CLNK: variants seen among roughly 807,000 people sequenced by gnomAD.
The protein encoded by CLNK is cytokine-dependent hematopoietic cell linker.
A neutral mutation model predicts 68.6 loss-of-function variants in CLNK; 74 were observed. The ratio of observed to expected loss-of-function variants is 1.08; its 90% CI spans 0.89 to 1.31. The LOEUF is 1.31. Among genes scored for constraint, CLNK ranks in the 50% most tolerant of loss-of-function variants. The probability of loss-of-function intolerance (pLI) is 0.00; values close to 1 mark genes in which losing one functional copy is unlikely to be tolerated. For missense variants in CLNK, 553 were observed against 515.3 expected (o/e 1.07, Z -0.71); for synonymous variants, 198 against 172.2 (o/e 1.15, Z -1.17).
At chr4:10,690,201 G>A in the CLNK span, among the ~76,000 whole-genome samples, 1 of 152,130 alleles carries the variant, frequency 6.6e-6, no homozygotes, top group Non-Finnish European at 1.5e-5. Flanking sequence ...TGGGGTGGGA[G>A]TGTTCCTACT....
chr4:10,618,799 A>AGTC (rs1452692324), intron 2 of CLNK, among the ~76,000 whole-genome samples: 1 of 152,294 alleles, frequency 6.6e-6, no homozygotes, highest in Middle Eastern at 3.4e-3. Context: ...TAACTCACTC[A>AGTC]GTCACGGTTA....
intron 15 of CLNK, among the ~76,000 whole-genome samples, chr4:10,516,784 C>G (rs2109042581): frequency 6.6e-6 from 1 of 152,324 alleles, no homozygotes; most frequent in African/African-American, 2.4e-5. Context: ...CTTCTGATCT[C>G]AGGCGATCCG....
chr4:10,651,242 T>C (rs1489112691), intron 2 of CLNK, among the ~76,000 whole-genome samples: 1 of 152,206 alleles, frequency 6.6e-6, no homozygotes, highest in Non-Finnish European at 1.5e-5. Context: ...TCAAGACACA[T>C]GCACACATAT....
chr4:10,537,505 A>T (rs1010259132), intron 11 of CLNK, among the ~76,000 whole-genome samples: 2 of 152,058 alleles, frequency 1.3e-5, no homozygotes, highest in Admixed American at 1.3e-4. Flanking sequence ...CTCTATTTCT[A>T]GAAAAATACA....
At chr4:10,679,045 C>A (rs1050541979) in intron 1 of CLNK, among the ~76,000 whole-genome samples, 1 of 152,108 alleles carries the variant, frequency 6.6e-6, no homozygotes, top group East Asian at 1.9e-4. Flanking sequence ...CAAACAAGAG[C>A]GTGCATTGCC....
At chr4:10,492,221 C>T (rs1329554618) in intron 18 of CLNK, among the ~76,000 whole-genome samples, 2 of 152,186 alleles carry the variant, frequency 1.3e-5, no homozygotes, top group Admixed American at 1.3e-4. Flanking sequence ...AATGAAGGCT[C>T]ACTTTTCTGG....
chr4:10,604,620 G>T (rs1264520385), intron 2 of CLNK, among the ~76,000 whole-genome samples: 8 of 151,438 alleles, frequency 5.3e-5, no homozygotes, highest in Admixed American at 5.3e-4. Flanking sequence ...GTGTGTATGG[G>T]GTCTACTCTT....
the CLNK span, chr4:10,692,157 C>G: frequency 1.3e-5 from 2 of 152,028 alleles, no homozygotes; most frequent in East Asian, 3.9e-4. Flanking sequence ...GACGCTTTTT[C>G]CAACATTTTC....
intron 1 of CLNK, among the ~76,000 whole-genome samples, chr4:10,673,967 A>G (rs1194019620): frequency 2.0e-5 from 3 of 152,164 alleles, no homozygotes; most frequent in African/African-American, 7.2e-5. Context: ...CAATTATTTC[A>G]GTTTCTCTTC....
intron 8 of CLNK, among the ~76,000 whole-genome samples, chr4:10,543,080 C>T (rs1214457459): frequency 2.0e-5 from 3 of 152,162 alleles, no homozygotes; most frequent in African/African-American, 4.8e-5. Flanking sequence ...AAGCTTCTGG[C>T]TCTGGGGATG....
At chr4:10,533,139 T>C in intron 11 of CLNK, among the ~76,000 whole-genome samples, 1 of 152,086 alleles carries the variant, frequency 6.6e-6, no homozygotes, top group Non-Finnish European at 1.5e-5. Context: ...ATGCCTGTAG[T>C]CCCAGCTACT....
intron 3 of CLNK, among the ~76,000 whole-genome samples, chr4:10,594,207 G>C (rs929479849): frequency 1.3e-5 from 2 of 152,182 alleles, no homozygotes; most frequent in African/African-American, 4.8e-5. Context: ...AACTTAAGGA[G>C]GTTAATGTAA....
chr4:10,721,189 T>A, the CLNK span, among the ~76,000 whole-genome samples: 2 of 30,080 alleles, frequency 6.6e-5, no homozygotes, highest in Non-Finnish European at 1.3e-4. Context: ...AGGAGGGAGT[T>A]GGGGGCTGGA....
At chr4:10,586,951 C>T (rs1003146393) in intron 3 of CLNK, among the ~76,000 whole-genome samples, 19 of 141,688 alleles carry the variant, frequency 1.3e-4, no homozygotes, top group African/African-American at 4.7e-4. Context: ...CATGTCTTTG[C>T]CCATTTTTTT....
intron 4 of CLNK, among the ~76,000 whole-genome samples, chr4:10,573,134 T>C (rs1484103289): frequency 6.6e-6 from 1 of 152,210 alleles, no homozygotes; most frequent in African/African-American, 2.4e-5. Flanking sequence ...TGGCCTTTTA[T>C]TTTCTTAAAC....
intron 16 of CLNK, among the ~76,000 whole-genome samples, chr4:10,508,529 C>T (rs564229338): frequency 9.2e-5 from 14 of 152,146 alleles, no homozygotes; most frequent in Admixed American, 5.9e-4. Context: ...CTCCCTGGGC[C>T]GCACTGCTTT....
chr4:10,623,245 A>C lies in CLNK; in HGVS notation c.12-25196T>G, dbSNP rs561420443. On this transcript the variant is annotated intron_variant, in intron 2 of 18. Transcript: ENST00000226951. The stretch of plus-strand genomic sequence containing the variant: ...CAAATCCCTCTCTAGGTTTTTCGAG[A>C]TGGATACCTGTGTTGGAGAGGGTTG... Among the ~76,000 whole-genome samples, 3 of 152,302 alleles carry C rather than the reference A, an allele frequency of 2.0e-5. No individual in the cohort carries two copies. In the South Asian group the frequency reaches 6.2e-4, roughly 32 times the overall value.
At chr4:10,714,377 T>C in the CLNK span, among the ~76,000 whole-genome samples, 1 of 152,200 alleles carries the variant, frequency 6.6e-6, no homozygotes, top group Non-Finnish European at 1.5e-5. Flanking sequence ...CAAGTTAATA[T>C]CTGCAAAGTC....
At chr4:10,638,607 G>A (rs199655667) in intron 2 of CLNK, among the ~76,000 whole-genome samples, 2 of 152,178 alleles carry the variant, frequency 1.3e-5, no homozygotes, top group African/African-American at 2.4e-5. Context: ...GGTTGTTATT[G>A]ACACTGGTGT....
Sources: gnomAD v4.1 joint callset for allele counts (sites outside exome capture counted in the v4.1 genomes callset) on GRCh38, gnomAD v4.1.1 for gene constraint, MANE v1.5 for transcripts, NCBI Gene and HGNC (gene_info 2026-07-23, HGNC 2026-07-21) for gene names.